Variants in CHD4 observed in about 807,000 individuals in gnomAD.
The protein encoded by CHD4 is ATP-dependent chromatin remodeler CHD4.
CHD4 carries 35 observed loss-of-function variants against 235.5 expected under a neutral mutation model. The observed-to-expected ratio is 0.15, with a 90% CI of 0.11 to 0.20. The LOEUF (loss-of-function observed/expected upper bound fraction) is 0.20, where lower values mean the gene tolerates loss of function less well. Among genes scored for constraint, CHD4 ranks in the 10% least tolerant of loss-of-function variants. CHD4 has a pLI of 1.00. For missense variants in CHD4, 1,329 were observed against 2,432.3 expected (o/e 0.55, Z 9.54); for synonymous variants, 900 against 850.2 (o/e 1.06, Z -1.02).
intron 33 of CHD4, chr12:6,580,224 CTCGAA>C (rs1948154858): frequency 6.9e-6 from 1 of 145,160 alleles, no homozygotes; most frequent in African/African-American, 2.7e-5. Flanking sequence ...GAGACTCCAT[CTCGAA>C]AACAACAACA....
At chr12:6,581,198 C>G (rs757088917) in intron 32 of CHD4, 25 bp from the exon 33 acceptor site, 2 of 1,610,332 alleles carry the variant, frequency 1.2e-6, no homozygotes, top group South Asian at 2.2e-5. Context: ...AAAACAAAAA[C>G]AAAACAGATG....
intron 37 of CHD4, among the ~76,000 whole-genome samples, chr12:6,576,527 C>G (rs935107088): frequency 2.0e-5 from 3 of 152,180 alleles, no homozygotes; most frequent in African/African-American, 7.2e-5. Context: ...GTTGCCCGAG[C>G]TAGTCTTGAA....
chr12:6,602,928 C>T (rs1016748427), intron 2 of CHD4: 9 of 164,878 alleles, frequency 5.5e-5, no homozygotes, highest in African/African-American at 2.2e-4. Context: ...ATAGAATATA[C>T]CTTCCCAGAA....
chr12:6,585,000 A>G (rs1239892703), intron 25 of CHD4, among the ~76,000 whole-genome samples: 1 of 152,196 alleles, frequency 6.6e-6, no homozygotes, highest in Non-Finnish European at 1.5e-5. Flanking sequence ...TTCGAGAACA[A>G]AATCACAGGT....
chr12:6,598,372 C>G lies in CHD4; in HGVS notation c.1536G>C (p.Gln512His). ...GAGGCACTGGTGTGGGAGATGGTGG[C>G]TGACCCCACTTCCAGATTAGGATCT... ...VQKILIWKWG[Q>H]PPSPTPVPRP... Residue 512 changes from glutamine (Q) to histidine (H), a missense_variant, in exon 11 of 40, where the codon CAG (glutamine) becomes CAC (histidine). Coordinates refer to ENST00000544040, the MANE Select transcript of CHD4 (RefSeq NM_001273.5). 1 of 1,613,746 alleles carries G rather than the reference C, an allele frequency of 6.2e-7. No individual in the cohort carries two copies. Among genetic ancestry groups the G allele is most frequent in the Non-Finnish European group, 8.5e-7 (1 of 1,179,774 alleles).
chr12:6,595,271 T>TA lies in CHD4; in HGVS notation c.2121+62dup. 3.0e-6 allele frequency: 4 copies of TA among 1,351,910 alleles called. No homozygotes were observed. The South Asian group carries it at 4.8e-5, about 16-fold the overall frequency. 83.7% of individuals were successfully genotyped at this position (1,351,910 alleles called of 1,614,324 possible). On this transcript the variant is annotated intron_variant, in intron 14 of 39. Coordinates refer to ENST00000544040, the MANE Select transcript of CHD4 (RefSeq NM_001273.5). ...TTTCATTACTTAAGAGTACCATCAT[T>TA]AGACTGCAGCAAAGATACATTGTCC... is the stretch of plus-strand genomic sequence containing the variant.
At chr12:6,602,213 A>C (rs763441048) in intron 3 of CHD4, 38 bp from the exon 4 acceptor site, 23 of 1,606,712 alleles carry the variant, frequency 1.4e-5, no homozygotes, top group Non-Finnish European at 2.0e-5. Context: ...AGACAGACAC[A>C]CACATGCTAC....
chr12:6,592,881 A>C, intron 17 of CHD4, 64 bp from the exon 18 acceptor site: 1 of 1,570,444 alleles, frequency 6.4e-7, no homozygotes. Context: ...ATCTCTACAA[A>C]ATTTCAAGTT....
At position 6,578,859 on chromosome 12, in the gene CHD4, C is replaced by G; in HGVS notation, c.4968G>C (p.Val1656=). The G allele has an allele frequency of 6.2e-7, 1 of 1,614,168 alleles. No homozygotes were observed. The highest frequency in any genetic ancestry group is 8.5e-7 in the Non-Finnish European group (1 of 1,180,002). ...EKSAIDLTPI[V]VEDKEEKKEE... ...CCAAACACCCACCTTTGTCTTCTAC[C>G]ACAATAGGGGTCAGATCTATTGCTG... Residue 1656 remains valine, a synonymous_variant, in exon 34 of 40, where the codon GTG becomes GTC. Coordinates refer to ENST00000544040, the MANE Select transcript of CHD4 (RefSeq NM_001273.5).
chr12:6,600,751 T>A, intron 7 of CHD4, 82 bp from the exon 8 acceptor site: 2 of 1,551,064 alleles, frequency 1.3e-6, no homozygotes. Flanking sequence ...ACTCTCTCAC[T>A]GGGGACACCA....
chr12:6,582,853 T>C lies in CHD4; in HGVS notation c.4231A>G (p.Ile1411Val). Residue 1411 changes from isoleucine to valine, a missense_variant, in exon 28 of 40, where the codon ATT (isoleucine) becomes GTT (valine). Around this residue, in one of 26 missense-constraint regions of CHD4, gnomAD observed 46 missense variants for 85.6 expected, o/e 0.54. Transcript: ENST00000544040. ...PPLLARVGGN[I>V]EVLGFNARQR... ...TAGAATCGTATGGCACTTACTTCAATATTCCCACCAACACGGGCCAACAGA... is the reference window on the plus strand; with the variant it reads ...TAGAATCGTATGGCACTTACTTCAACATTCCCACCAACACGGGCCAACAGA... 6 of 1,613,946 alleles carry C rather than the reference T, an allele frequency of 3.7e-6. No homozygotes were observed. The highest frequency in any genetic ancestry group is 5.1e-6 in the Non-Finnish European group (6 of 1,180,030).
rs1409991756 is a variant in CHD4, at chr12:6,570,602, C to T, written c.*74G>A. 6.3e-7 allele frequency: 1 copy of T among 1,591,408 alleles called. No homozygotes were observed. Among genetic ancestry groups the T allele is most frequent in the Non-Finnish European group, 8.6e-7 (1 of 1,160,230 alleles). The stretch of plus-strand genomic sequence containing the variant: ...GGAAGGTGAGGGTCTCTCAGGCCCC[C>T]AGGGGAGAAGCTGGGACAAGAGAAA... On this transcript the variant is annotated 3_prime_UTR_variant, in exon 40 of 40. Coordinates refer to ENST00000544040, the MANE Select transcript of CHD4 (RefSeq NM_001273.5).
At chr12:6,596,797 T>C (rs539832524) in intron 12 of CHD4, among the ~76,000 whole-genome samples, 9 of 142,232 alleles carry the variant, frequency 6.3e-5, no homozygotes, top group Admixed American at 1.4e-4. Context: ...GAGACTCCAT[T>C]TCAAAAAAAA....
At chr12:6,584,252 A>G (rs976599313) in intron 25 of CHD4, 7 of 152,196 alleles carry the variant, frequency 4.6e-5, no homozygotes, top group African/African-American at 1.7e-4. Flanking sequence ...GAGTGTACAT[A>G]TATGTGTATG....
chr12:6,601,876 A>G (rs1306111186), intron 4 of CHD4, 84 bp downstream of exon 4: 10 of 1,561,170 alleles, frequency 6.4e-6, no homozygotes, highest in Non-Finnish European at 8.8e-6. Context: ...AAGAAGAGAA[A>G]GTGTTCTAAA....
At chr12:6,606,586 G>A (rs1431943523) in intron 1 of CHD4, 135 bp from the exon 2 acceptor site, 2 of 466,846 alleles carry the variant, frequency 4.3e-6, no homozygotes, top group African/African-American at 2.1e-5. Flanking sequence ...GCTGAACTTA[G>A]TTCCACACTC....
chr12:6,591,854 T>C (rs1161536665), intron 20 of CHD4, 29 bp from the exon 21 acceptor site: 1 of 1,613,596 alleles, frequency 6.2e-7, no homozygotes, highest in Non-Finnish European at 8.5e-7. Context: ...AAAAAAGTAT[T>C]AAAAGAAAGC....
chr12:6,585,127 A>G (rs1035460338), intron 25 of CHD4, among the ~76,000 whole-genome samples: 6 of 152,242 alleles, frequency 3.9e-5, no homozygotes, highest in Non-Finnish European at 8.8e-5. Context: ...TGGTTTACAG[A>G]GGACAAGAAA....
Position 6,583,087 on chromosome 12 carries a change from G to C in CHD4, c.4087C>G (p.Gln1363Glu). The change falls in exon 27 of 40, where the codon CAG becomes GAG. Residue 1363 changes from glutamine (Q) to glutamate (E), a missense_variant. Physicochemically the swap from Gln to Glu is conservative, Grantham distance 29. Transcript: ENST00000544040. ...TCTGAAGCCACTGAGTAATCGGACTGGTTGTCGGACTGGTCGTCCTGCCAA... is the reference window on the plus strand; with the variant it reads ...TCTGAAGCCACTGAGTAATCGGACTCGTTGTCGGACTGGTCGTCCTGCCAA... ...RDWQDDQSDN[Q>E]SDYSVASEEG... The C allele has an allele frequency of 6.3e-7, 1 of 1,583,176 alleles. No homozygotes were observed. Among genetic ancestry groups the C allele is most frequent in the South Asian group, 1.2e-5 (1 of 85,780 alleles).
Sources: gnomAD v4.1 joint callset for allele counts (sites outside exome capture counted in the v4.1 genomes callset) on GRCh38, gnomAD v4.1.1 for gene constraint, gnomAD v4.1.1 regional missense constraint, MANE v1.5 for transcripts, NCBI Gene and HGNC (gene_info 2026-07-23, HGNC 2026-07-21) for gene names.